AKAP13: variants seen among roughly 807,000 people sequenced by gnomAD.
AKAP13 encodes A-kinase anchor protein 13.
A neutral mutation model predicts 264.5 loss-of-function variants in AKAP13; 80 were observed. That is an observed-to-expected ratio of 0.30 (90% CI 0.25 to 0.36). The LOEUF (loss-of-function observed/expected upper bound fraction) is 0.36. AKAP13 is among the 10% of genes least tolerant of loss of function. The probability of loss-of-function intolerance (pLI) is 1.00; values close to 1 mark genes in which losing one functional copy is unlikely to be tolerated. For synonymous variants in AKAP13, 1,380 were observed against 1,250.2 expected, an observed-to-expected ratio of 1.10 and a Z score of -2.19; for missense variants, 3,712 against 3,435.2, an observed-to-expected ratio of 1.08 and a Z score of -2.01.
intron 1 of AKAP13, among the ~76,000 whole-genome samples, chr15:85,424,164 G>A (rs1377874818): frequency 3.9e-5 from 6 of 152,324 alleles, no homozygotes; most frequent in Middle Eastern, 3.4e-3. Flanking sequence ...GAGTCAGCTT[G>A]TCCTTTGAGG....
At chr15:85,434,188 C>T (rs1230623621) in intron 1 of AKAP13, among the ~76,000 whole-genome samples, 2 of 152,042 alleles carry the variant, frequency 1.3e-5, no homozygotes, top group Admixed American at 6.5e-5. Flanking sequence ...AGTTCCCTTT[C>T]CGAGTCAAAG....
intron 8 of AKAP13, among the ~76,000 whole-genome samples, chr15:85,636,787 G>C (rs1190994276): frequency 1.3e-5 from 2 of 152,032 alleles, no homozygotes; most frequent in African/African-American, 4.8e-5. Context: ...GCTGATTTTT[G>C]TATTTTCAGT....
At chr15:85,478,329 G>A (rs1458367364) in intron 1 of AKAP13, among the ~76,000 whole-genome samples, 3 of 144,146 alleles carry the variant, frequency 2.1e-5, no homozygotes, top group Non-Finnish European at 4.6e-5. Context: ...AAAGATTATA[G>A]TGTACTCTCC....
intron 1 of AKAP13, chr15:85,389,884 T>A (rs2070767078): frequency 6.6e-6 from 1 of 152,222 alleles, no homozygotes; most frequent in Admixed American, 6.5e-5. Flanking sequence ...CTGTAACACT[T>A]GTGATCTGGT....
At chr15:85,505,185 CTT>C (rs2076178057) in intron 2 of AKAP13, among the ~76,000 whole-genome samples, 1 of 152,232 alleles carries the variant, frequency 6.6e-6, no homozygotes, top group Non-Finnish European at 1.5e-5. Context: ...GTTTTAATTT[CTT>C]TTCTGTCTGA....
intron 4 of AKAP13, among the ~76,000 whole-genome samples, chr15:85,540,225 C>T (rs1370526382): frequency 6.6e-6 from 1 of 152,144 alleles, no homozygotes; most frequent in East Asian, 1.9e-4. Flanking sequence ...CAGGATGGAG[C>T]TCCACAGGCA....
At chr15:85,463,679 A>G (rs1045859724) in intron 1 of AKAP13, among the ~76,000 whole-genome samples, 1 of 152,002 alleles carries the variant, frequency 6.6e-6, no homozygotes, top group African/African-American at 2.4e-5. Flanking sequence ...CTTGTTTCTG[A>G]GAAAGGGCAA....
intron 8 of AKAP13, among the ~76,000 whole-genome samples, chr15:85,598,903 AG>A (rs1398093884): frequency 6.6e-6 from 1 of 152,208 alleles, no homozygotes. Flanking sequence ...GCCTTAAAAT[AG>A]GGGGTCAGAC....
At chr15:85,557,897 T>G (rs1201565030) in intron 5 of AKAP13, among the ~76,000 whole-genome samples, 1 of 152,206 alleles carries the variant, frequency 6.6e-6, no homozygotes, top group Non-Finnish European at 1.5e-5. Flanking sequence ...TTGCTATTGT[T>G]CAGTTGGTTT....
chr15:85,518,002 G>A (rs961635323), intron 2 of AKAP13, among the ~76,000 whole-genome samples: 1 of 152,194 alleles, frequency 6.6e-6, no homozygotes, highest in Non-Finnish European at 1.5e-5. Context: ...TGATAATTGA[G>A]AATGTCTTGA....
intron 2 of AKAP13, among the ~76,000 whole-genome samples, chr15:85,517,438 C>A (rs923994687): frequency 1.3e-5 from 2 of 151,926 alleles, no homozygotes; most frequent in African/African-American, 4.8e-5. Context: ...AGTCTCCCAG[C>A]AAGATGTTGG....
chr15:85,393,434 GT>G (rs1470974098), intron 1 of AKAP13, among the ~76,000 whole-genome samples: 1 of 152,224 alleles, frequency 6.6e-6, no homozygotes, highest in Non-Finnish European at 1.5e-5. Context: ...TCAGTGGGCA[GT>G]AATAGCCAAA....
intron 8 of AKAP13, among the ~76,000 whole-genome samples, chr15:85,607,952 T>A (rs574580556): frequency 6.6e-6 from 1 of 152,332 alleles, no homozygotes; most frequent in South Asian, 2.1e-4. Context: ...ATGAAGAACT[T>A]CTTTCTTTTC....
chr15:85,402,946 T>A (rs1028697783), intron 1 of AKAP13, among the ~76,000 whole-genome samples: 6 of 152,252 alleles, frequency 3.9e-5, no homozygotes, highest in African/African-American at 1.4e-4. Context: ...ATAGCACCGC[T>A]GTTACTCATG....
At chr15:85,623,426 A>G (rs2880856) in intron 8 of AKAP13, among the ~76,000 whole-genome samples, 148,539 of 152,348 alleles carry the variant, frequency 0.97, 72,437 homozygotes, top group East Asian at 1. Flanking sequence ...CCTCCCATTG[A>G]CATCCTAATA....
intron 5 of AKAP13, among the ~76,000 whole-genome samples, chr15:85,556,446 T>C (rs2078151393): frequency 1.3e-5 from 2 of 152,154 alleles, no homozygotes; most frequent in African/African-American, 4.8e-5. Flanking sequence ...CCATATATGG[T>C]CTATCATAGA....
chr15:85,638,055 A>AT (rs201112050), intron 8 of AKAP13, among the ~76,000 whole-genome samples: 62,966 of 147,302 alleles, frequency 0.43, 14,754 homozygotes, highest in African/African-American at 0.64. Flanking sequence ...ATTTTTTTGT[A>AT]TTTTTTTTTT....
intron 8 of AKAP13, among the ~76,000 whole-genome samples, chr15:85,593,523 A>G (rs1484524111): frequency 7.3e-6 from 1 of 136,230 alleles, no homozygotes. Context: ...GTGAGCCACC[A>G]TGTGGGAATT....
chr15:85,496,721 G>T (rs1177681738), intron 2 of AKAP13, among the ~76,000 whole-genome samples: 1 of 152,304 alleles, frequency 6.6e-6, no homozygotes, highest in East Asian at 1.9e-4. Context: ...AGCCTTATCA[G>T]CCTCCTGATC....
Sources: gnomAD v4.1 joint callset for allele counts (sites outside exome capture counted in the v4.1 genomes callset) on GRCh38, gnomAD v4.1.1 for gene constraint, MANE v1.5 for transcripts, NCBI Gene and HGNC (gene_info 2026-07-23, HGNC 2026-07-21) for gene names.